The following NDUFAF6 variants were observed in gnomAD, a reference collection of about 807,000 sequenced individuals.
The protein encoded by NDUFAF6 is NADH dehydrogenase (ubiquinone) complex I, assembly factor 6.
In NDUFAF6, 45 loss-of-function variants were observed where a neutral mutation model predicts 40.8. The ratio of observed to expected loss-of-function variants is 1.10; its 90% confidence interval spans 0.87 to 1.42. The LOEUF is 1.42. Among genes scored for constraint, NDUFAF6 ranks in the 40% most tolerant of loss-of-function variants. The pLI is 0.00. For synonymous variants in NDUFAF6, 185 were observed against 155.9 expected, an observed-to-expected ratio of 1.19 and a Z score of -1.39; for missense variants, 435 against 418.5, an observed-to-expected ratio of 1.04 and a Z score of -0.34.
intron 2 of NDUFAF6, among the ~76,000 whole-genome samples, chr8:95,090,801 C>G (rs906277962): frequency 2.6e-5 from 4 of 152,080 alleles, no homozygotes; most frequent in African/African-American, 9.7e-5. Flanking sequence ...CAGCTTCCAA[C>G]GAATATAAAG....
intron 3 of NDUFAF6, 102 bp from the exon 4 acceptor site, chr8:95,041,468 G>T: frequency 1.3e-6 from 1 of 792,912 alleles, no homozygotes; most frequent in Non-Finnish European, 2.2e-6. Context: ...TATTACAAAT[G>T]TTCCCTTACT....
Position 95,015,788 on chromosome 8 carries a change from T to C in NDUFAF6, c.-83-16207T>C, listed in dbSNP as rs576863765. 1.2e-4 allele frequency among the ~76,000 whole-genome samples: 19 copies of C among 152,326 alleles called. 1 individual carries two copies. In the South Asian group the frequency reaches 3.9e-3, roughly 32 times the overall value. On this transcript the variant is annotated intron_variant, in intron 2 of 9. Transcript: ENST00000396111. ...AGTACCAAGAAGGAAAAGAACTGTG[T>C]TCTATTAGAGAAATTAGCAAGAAGT...
At chr8:95,033,783 C>T (rs924639353) in intron 2 of NDUFAF6, among the ~76,000 whole-genome samples, 3 of 152,104 alleles carry the variant, frequency 2.0e-5, no homozygotes, top group Admixed American at 1.3e-4. Flanking sequence ...GAAGGAACAG[C>T]GAGTGCAGTC....
At position 95,044,757 on chromosome 8, in the gene NDUFAF6, CTT is replaced by C. The variant is rs373961068; in HGVS notation, c.478-775_478-774del. ...AGGCATGAGCCACCGCACCCAGCCT[CTT>C]TTTTTTTTTTTTAAACCCTGCATGT... is the stretch of plus-strand genomic sequence containing the variant. On this transcript the variant is annotated intron_variant, in intron 4 of 8. Coordinates refer to ENST00000396124, the MANE Select transcript of NDUFAF6 (RefSeq NM_152416.4). Among the ~76,000 whole-genome samples, 88 of 141,778 alleles carry C rather than the reference CTT, an allele frequency of 6.2e-4. 1 individual carries two copies. The highest frequency in any genetic ancestry group is 1.4e-3 in the African/African-American group (54 of 38,872). 93.0% of individuals were successfully genotyped at this position (141,778 alleles called of 152,430 possible).
At chr8:95,046,115 C>T (rs1314549715) in intron 5 of NDUFAF6, among the ~76,000 whole-genome samples, 1 of 151,612 alleles carries the variant, frequency 6.6e-6, no homozygotes, top group Non-Finnish European at 1.5e-5. Flanking sequence ...GGCTGGAGTG[C>T]AGTGGCTCAA....
chr8:95,006,393 A>C (rs373289622), intron 2 of NDUFAF6, among the ~76,000 whole-genome samples: 8 of 150,894 alleles, frequency 5.3e-5, no homozygotes, highest in African/African-American at 1.5e-4. Context: ...AAAGAAAAAG[A>C]AAAAAAGACA....
chr8:94,982,726 A>G (rs1470376728), intron 2 of NDUFAF6, among the ~76,000 whole-genome samples: 1 of 152,244 alleles, frequency 6.6e-6, no homozygotes, highest in Non-Finnish European at 1.5e-5. Flanking sequence ...AGTTTGTTTA[A>G]CCAATTAGTT....
intron 1 of NDUFAF6, among the ~76,000 whole-genome samples, chr8:95,026,420 A>G (rs1828146876): frequency 6.6e-6 from 1 of 152,178 alleles, no homozygotes. Context: ...GTGAACCAAG[A>G]TCGCTCCACT....
chr8:94,927,436 G>A (rs1400258422), intron 1 of NDUFAF6: 2 of 152,104 alleles, frequency 1.3e-5, no homozygotes, highest in African/African-American at 4.8e-5. Context: ...CAACAGAGAA[G>A]GTATGTAAAC....
At chr8:95,042,309 T>C (rs1830234503) in intron 4 of NDUFAF6, among the ~76,000 whole-genome samples, 1 of 152,234 alleles carries the variant, frequency 6.6e-6, no homozygotes, top group Non-Finnish European at 1.5e-5. Flanking sequence ...CTGATATTAA[T>C]TACATGCTGT....
intron 1 of NDUFAF6, chr8:94,928,646 A>C (rs1820109076): frequency 6.6e-6 from 1 of 152,314 alleles, no homozygotes; most frequent in African/African-American, 2.4e-5. Flanking sequence ...TGTTCTAAAG[A>C]GACATTCTGG....
At chr8:95,031,218 C>T (rs1467371782) in intron 1 of NDUFAF6, among the ~76,000 whole-genome samples, 2 of 152,080 alleles carry the variant, frequency 1.3e-5, no homozygotes, top group South Asian at 4.1e-4. Flanking sequence ...TCACCAATAC[C>T]GGGAATGTGG....
At chr8:94,950,859 C>T (rs929736159) in intron 2 of NDUFAF6, 2 of 152,084 alleles carry the variant, frequency 1.3e-5, no homozygotes, top group African/African-American at 4.8e-5. Context: ...AAAGGCCTAC[C>T]TTTTTCCAGT....
At chr8:94,909,372 A>AAAAAAAAAAAC (rs1818602099) in intron 1 of NDUFAF6, among the ~76,000 whole-genome samples, 1 of 50,012 alleles carries the variant, frequency 2.0e-5, no homozygotes, top group Non-Finnish European at 4.7e-5. Flanking sequence ...AAAAAAAAAA[A>AAAAAAAAAAAC]AAAAAAAAAA....
chr8:95,114,461 A>G (rs1175699168), intron 4 of NDUFAF6, among the ~76,000 whole-genome samples: 3 of 152,242 alleles, frequency 2.0e-5, no homozygotes, highest in African/African-American at 4.8e-5. Flanking sequence ...CTGAAAGTCA[A>G]TGGCATTTTC....
chr8:94,999,795 G>A (rs755112953), intron 2 of NDUFAF6, among the ~76,000 whole-genome samples: 22 of 152,198 alleles, frequency 1.4e-4, no homozygotes, highest in Non-Finnish European at 2.9e-5. Flanking sequence ...CTATCTGTGA[G>A]TTGAAAAATT....
At chr8:95,065,918 A>G (rs1294460575) in intron 9 of NDUFAF6, among the ~76,000 whole-genome samples, 1 of 152,172 alleles carries the variant, frequency 6.6e-6, no homozygotes, top group Non-Finnish European at 1.5e-5. Context: ...AAGTTTATAA[A>G]ACCTTTTCTC....
chr8:94,933,386 AAGGAAGGAAG>A (rs1820621647), intron 1 of NDUFAF6, among the ~76,000 whole-genome samples: 1 of 150,082 alleles, frequency 6.7e-6, no homozygotes, highest in Admixed American at 6.6e-5. Context: ...CTTGAAAAAG[AAGGAAGGAAG>A]AAGAAGGAAG....
intron 1 of NDUFAF6, among the ~76,000 whole-genome samples, chr8:94,912,638 A>T (rs907175839): frequency 6.6e-6 from 1 of 151,970 alleles, no homozygotes; most frequent in African/African-American, 2.4e-5. Context: ...CTACTAAAAA[A>T]AAAAAAGAAA....
Sources: allele counts gnomAD v4.1 joint callset (sites outside exome capture counted in the v4.1 genomes callset), GRCh38; gene constraint gnomAD v4.1.1; transcripts MANE v1.5; gene names NCBI Gene and HGNC (gene_info 2026-07-23, HGNC 2026-07-21).